NXPH1: variants seen among roughly 807,000 people sequenced by gnomAD.
The protein encoded by NXPH1 is neurexophilin 1, also known as neurexophilin-1.
NXPH1 carries 5 observed loss-of-function variants against 23.7 expected under a neutral mutation model. The ratio of observed to expected loss-of-function variants is 0.21; its 90% CI spans 0.11 to 0.44. The LOEUF (loss-of-function observed/expected upper bound fraction) is 0.44. Among genes scored for constraint, NXPH1 ranks in the 20% least tolerant of loss-of-function variants. The pLI is 0.99. For synonymous variants in NXPH1, 144 were observed against 122.2 expected, an observed-to-expected ratio of 1.18 and a Z score of -1.18; for missense variants, 324 against 321.6, an observed-to-expected ratio of 1.01 and a Z score of -0.06.
chr7:8,479,082 A>C (rs946657669), intron 2 of NXPH1, among the ~76,000 whole-genome samples: 6 of 152,142 alleles, frequency 3.9e-5, no homozygotes, highest in African/African-American at 9.6e-5. Flanking sequence ...ACTGGTTAAC[A>C]TATATTGTTT....
intron 2 of NXPH1, among the ~76,000 whole-genome samples, chr7:8,571,476 C>A (rs773961386): frequency 1.6e-4 from 24 of 151,592 alleles, no homozygotes; most frequent in Admixed American, 5.9e-4. Context: ...TATTAAGCAG[C>A]CTGTAGGACA....
intron 2 of NXPH1, among the ~76,000 whole-genome samples, chr7:8,719,725 A>G (rs1562464520): frequency 6.6e-6 from 1 of 152,208 alleles, no homozygotes; most frequent in Admixed American, 6.5e-5. Context: ...ATGCCATACT[A>G]CTTAAAATGT....
Position 8,720,430 on chromosome 7 carries a change from C to T in NXPH1, c.55-30578C>T, listed in dbSNP as rs377691571. ...AGATCTGTGGGGATCAACCCACTCA[C>T]ATAATGTATTAACATATGATGGAAA... is the stretch of plus-strand genomic sequence containing the variant. On this transcript the variant is annotated intron_variant, in intron 2 of 2. Coordinates refer to ENST00000405863, the MANE Select transcript of NXPH1 (RefSeq NM_152745.3). Among the ~76,000 whole-genome samples the T allele has an allele frequency of 1.3e-5, 2 of 152,192 alleles. 1 individual carries two copies. Among genetic ancestry groups the T allele is most frequent in the South Asian group, 4.1e-4 (2 of 4,826 alleles).
intron 2 of NXPH1, among the ~76,000 whole-genome samples, chr7:8,704,605 T>A (rs1011960302): frequency 6.6e-6 from 1 of 152,128 alleles, no homozygotes; most frequent in East Asian, 1.9e-4. Flanking sequence ...GCCTTTAGAA[T>A]TAAGGGGAGA....
chr7:8,692,711 C>A (rs140946964), intron 2 of NXPH1, among the ~76,000 whole-genome samples: 2 of 152,246 alleles, frequency 1.3e-5, no homozygotes, highest in East Asian at 1.9e-4. Context: ...AGTCTAACTC[C>A]CAGTATCCTT....
intron 2 of NXPH1, among the ~76,000 whole-genome samples, chr7:8,740,368 T>C (rs558913447): frequency 1.3e-5 from 2 of 152,206 alleles, no homozygotes; most frequent in African/African-American, 4.8e-5. Flanking sequence ...AATACAGGCA[T>C]GTATTTATCC....
chr7:8,536,269 A>C (rs1264102708), intron 2 of NXPH1, among the ~76,000 whole-genome samples: 1 of 152,064 alleles, frequency 6.6e-6, no homozygotes, highest in Non-Finnish European at 1.5e-5. Context: ...TAATAATAGA[A>C]TGTTTGAAGC....
At chr7:8,628,907 G>A (rs1220183187) in intron 2 of NXPH1, among the ~76,000 whole-genome samples, 2 of 151,230 alleles carry the variant, frequency 1.3e-5, no homozygotes, top group African/African-American at 4.9e-5. Context: ...TTGAGATGAC[G>A]AAAGCCTCAT....
At chr7:8,599,997 C>G (rs570285976) in intron 2 of NXPH1, among the ~76,000 whole-genome samples, 1 of 152,062 alleles carries the variant, frequency 6.6e-6, no homozygotes, top group South Asian at 2.1e-4. Context: ...TGAGAATTAT[C>G]TGAAGACAGT....
chr7:8,719,789 A>C (rs1336510051), intron 2 of NXPH1, among the ~76,000 whole-genome samples: 1 of 152,178 alleles, frequency 6.6e-6, no homozygotes, highest in Non-Finnish European at 1.5e-5. Flanking sequence ...TTTTATACAA[A>C]ACTAACGACA....
intron 2 of NXPH1, among the ~76,000 whole-genome samples, chr7:8,539,252 T>C (rs578024074): frequency 6.6e-6 from 1 of 151,882 alleles, no homozygotes; most frequent in South Asian, 2.1e-4. Context: ...ATATCTAAGC[T>C]TGATAAATAA....
chr7:8,578,580 T>C (rs1264793665), intron 2 of NXPH1, among the ~76,000 whole-genome samples: 2 of 152,194 alleles, frequency 1.3e-5, no homozygotes, highest in Admixed American at 6.5e-5. Context: ...CAGAGCAGAT[T>C]TTATAGATAA....
At chr7:8,746,729 A>G (rs1780475762) in intron 2 of NXPH1, among the ~76,000 whole-genome samples, 1 of 152,174 alleles carries the variant, frequency 6.6e-6, no homozygotes, top group Non-Finnish European at 1.5e-5. Context: ...AAATTTTTAA[A>G]CTGTAAAATA....
chr7:8,679,889 C>T (rs1443357068), intron 2 of NXPH1, among the ~76,000 whole-genome samples: 8 of 152,202 alleles, frequency 5.3e-5, no homozygotes, highest in Admixed American at 2.6e-4. Flanking sequence ...GGTGTGGTGG[C>T]GCGTGCCTGT....
chr7:8,619,881 T>C (rs1185109330), intron 2 of NXPH1, among the ~76,000 whole-genome samples: 1 of 152,172 alleles, frequency 6.6e-6, no homozygotes, highest in Non-Finnish European at 1.5e-5. Flanking sequence ...TGTAGAGAAA[T>C]TGAGACTTGC....
intron 2 of NXPH1, among the ~76,000 whole-genome samples, chr7:8,673,059 A>G (rs755178622): frequency 6.6e-6 from 1 of 152,194 alleles, no homozygotes; most frequent in Non-Finnish European, 1.5e-5. Flanking sequence ...ATATATTGAA[A>G]ACATCTTAGC....
At chr7:8,532,081 A>T (rs1021262351) in intron 2 of NXPH1, among the ~76,000 whole-genome samples, 5 of 152,136 alleles carry the variant, frequency 3.3e-5, no homozygotes, top group Non-Finnish European at 7.4e-5. Context: ...AACAGCCATA[A>T]AAGTCAAATC....
intron 2 of NXPH1, among the ~76,000 whole-genome samples, chr7:8,439,923 CT>C (rs1293355584): frequency 3.3e-5 from 5 of 152,202 alleles, no homozygotes; most frequent in African/African-American, 1.2e-4. Flanking sequence ...CAGCTGCACA[CT>C]GAAAATTCTA....
intron 2 of NXPH1, among the ~76,000 whole-genome samples, chr7:8,655,445 T>A (rs1288650541): frequency 8.2e-4 from 56 of 68,618 alleles, no homozygotes; most frequent in African/African-American, 2.3e-3. Context: ...TCTCTCTCTC[T>A]CTCTATACAC....
Sources: allele counts gnomAD v4.1 joint callset (sites outside exome capture counted in the v4.1 genomes callset), GRCh38; gene constraint gnomAD v4.1.1; transcripts MANE v1.5; gene names NCBI Gene and HGNC (gene_info 2026-07-23, HGNC 2026-07-21).